Variants in NDC80 observed in about 807,000 individuals in gnomAD.
NDC80 encodes NDC80 kinetochore complex component.
Under a neutral mutation model 89.3 loss-of-function variants are expected in NDC80, and 69 were observed. The ratio of observed to expected loss-of-function variants is 0.77; its 90% confidence interval spans 0.64 to 0.94. The LOEUF is 0.94. Among genes scored for constraint, NDC80 ranks in the 40% least tolerant of loss-of-function variants. The probability of loss-of-function intolerance (pLI) is 0.00; values close to 1 mark genes in which losing one functional copy is unlikely to be tolerated. For missense variants in NDC80, 593 were observed against 739.6 expected, an observed-to-expected ratio of 0.80 and a Z score of 2.30; for synonymous variants, 243 against 255.6, an observed-to-expected ratio of 0.95 and a Z score of 0.47.
intron 10 of NDC80, among the ~76,000 whole-genome samples, chr18:2,591,487 G>A (rs1392565399): frequency 6.6e-6 from 1 of 151,802 alleles, no homozygotes; most frequent in African/African-American, 2.4e-5. Flanking sequence ...ATGGCCCTTA[G>A]GATATTTGAT....
intron 16 of NDC80, among the ~76,000 whole-genome samples, chr18:2,615,837 A>T (rs2072781444): frequency 1.3e-5 from 2 of 152,346 alleles, no homozygotes; most frequent in Non-Finnish European, 2.9e-5. Context: ...ATATCATTTG[A>T]TAAATACGAA....
intron 13 of NDC80, among the ~76,000 whole-genome samples, chr18:2,604,531 A>AG (rs1243474083): frequency 6.6e-6 from 1 of 152,092 alleles, no homozygotes; most frequent in Non-Finnish European, 1.5e-5. Flanking sequence ...AAAATATAAA[A>AG]ATTAGCTGGA....
intron 3 of NDC80, among the ~76,000 whole-genome samples, chr18:2,575,761 C>T (rs2072543311): frequency 6.6e-6 from 1 of 152,048 alleles, no homozygotes; most frequent in Admixed American, 6.6e-5. Context: ...CCTGTCTCTA[C>T]AAAAAATACA....
chr18:2,595,215 T>C (rs2072648111), intron 10 of NDC80, among the ~76,000 whole-genome samples: 1 of 97,670 alleles, frequency 1.0e-5, no homozygotes, highest in South Asian at 4.1e-4. Context: ...TATGTATATA[T>C]ATGACTTTGA....
At position 2,581,652 on chromosome 18, in the gene NDC80, C is replaced by G. The variant is rs190041235; in HGVS notation, c.579+2623C>G. On this transcript the variant is annotated intron_variant, in intron 6 of 16. Coordinates refer to ENST00000261597, the MANE Select transcript of NDC80 (RefSeq NM_006101.3). ...GCAGCCTAGGCAACAGAGCAAAACT[C>G]CATCTCAAAAATAAATAATATTTTC... is the stretch of plus-strand genomic sequence containing the variant. Among the ~76,000 whole-genome samples, 306 of 152,342 alleles carry G rather than the reference C, an allele frequency of 2.0e-3. 2 individuals are homozygous for G. The highest frequency in any genetic ancestry group is 6.9e-3 in the African/African-American group (285 of 41,588).
At chr18:2,594,296 T>G (rs1031467298) in intron 10 of NDC80, 1 of 152,798 alleles carries the variant, frequency 6.5e-6, no homozygotes, top group African/African-American at 2.4e-5. Flanking sequence ...CTGTAAACTG[T>G]TGGTAACCAC....
intron 3 of NDC80, among the ~76,000 whole-genome samples, chr18:2,575,822 G>C (rs1049884703): frequency 6.6e-6 from 1 of 152,208 alleles, no homozygotes. Flanking sequence ...CTACTTGGAA[G>C]GCTGAATCAG....
chr18:2,603,356 CATATATATAT>C (rs60997707), intron 13 of NDC80, among the ~76,000 whole-genome samples: 4 of 120,796 alleles, frequency 3.3e-5, no homozygotes, highest in African/African-American at 1.3e-4. Flanking sequence ...TATGTTTATA[CATATATATAT>C]ATATATATAT....
chr18:2,608,488 G>C (rs899492245), intron 14 of NDC80, among the ~76,000 whole-genome samples: 3 of 152,128 alleles, frequency 2.0e-5, no homozygotes, highest in African/African-American at 7.2e-5. Context: ...TGACGGGCAT[G>C]AGCCACCATG....
intron 10 of NDC80, among the ~76,000 whole-genome samples, chr18:2,593,211 C>T (rs996291719): frequency 6.6e-6 from 1 of 151,906 alleles, no homozygotes; most frequent in Non-Finnish European, 1.5e-5. Flanking sequence ...TGTGCCACCA[C>T]GCCTGGCTAA....
intron 13 of NDC80, among the ~76,000 whole-genome samples, chr18:2,602,508 G>A (rs1236691534): frequency 6.6e-6 from 1 of 152,144 alleles, no homozygotes; most frequent in Non-Finnish European, 1.5e-5. Context: ...ATTATTTGCA[G>A]TGAAGTCTTC....
intron 16 of NDC80, 78 bp from the exon 17 acceptor site, chr18:2,616,359 G>A: frequency 3.8e-6 from 4 of 1,055,904 alleles, no homozygotes; most frequent in Non-Finnish European, 5.3e-6. Context: ...TTATCCTCTT[G>A]TTTGTAAATT....
chr18:2,610,727 G>A (rs1180081073), intron 15 of NDC80, 32 bp from the exon 16 acceptor site: 11 of 1,465,244 alleles, frequency 7.5e-6, no homozygotes, highest in South Asian at 5.1e-5. Context: ...TTTTTTTCCT[G>A]GACAACTTAA....
Position 2,608,822 on chromosome 18 carries a change from TC to T in NDC80, c.1681del (p.Gln561SerfsTer6). ...SEAMNELDAV[Q>X]REYQLVVQTT... ...AAGCTATGAATGAATTAGATGCTGT[TC>T]AGCGGGAGTAAGTTTATCTCACCAA... On this transcript the variant is annotated frameshift_variant, in exon 15 of 17. Transcript: ENST00000261597. LOFTEE classifies it high-confidence loss of function. The T allele has an allele frequency of 6.2e-7, 1 of 1,607,320 alleles. No individual in the cohort carries two copies. The highest frequency in any genetic ancestry group is 8.5e-7 in the Non-Finnish European group (1 of 1,174,914).
At chr18:2,586,757 A>G (rs1038153096) in intron 7 of NDC80, among the ~76,000 whole-genome samples, 2 of 152,160 alleles carry the variant, frequency 1.3e-5, no homozygotes, top group African/African-American at 4.8e-5. Context: ...ATGTCTTGAC[A>G]TCCATCCTAA....
chr18:2,614,227 A>G (rs1285121856), intron 16 of NDC80, among the ~76,000 whole-genome samples: 5 of 152,164 alleles, frequency 3.3e-5, no homozygotes, highest in Non-Finnish European at 5.9e-5. Flanking sequence ...TCACAAGGTC[A>G]GGAGATCGAG....
At chr18:2,577,721 T>C in intron 3 of NDC80, 25 bp from the exon 4 acceptor site, 1 of 1,610,016 alleles carries the variant, frequency 6.2e-7, no homozygotes. Context: ...TAGTTTTAAC[T>C]GGCTGTTTAA....
intron 13 of NDC80, among the ~76,000 whole-genome samples, chr18:2,605,754 C>A (rs8088444): frequency 0.81 from 123,699 of 152,024 alleles, 50,751 homozygotes; most frequent in East Asian, 0.96. Flanking sequence ...ACATTTTACT[C>A]TTTTGTGTTT....
intron 7 of NDC80, among the ~76,000 whole-genome samples, chr18:2,587,592 T>C (rs939024347): frequency 2.0e-4 from 30 of 152,224 alleles, no homozygotes; most frequent in Admixed American, 2.6e-4. Context: ...AAATATTGCC[T>C]TTATCCAAAT....
Sources: gnomAD v4.1 joint callset for allele counts (sites outside exome capture counted in the v4.1 genomes callset) on GRCh38, gnomAD v4.1.1 for gene constraint, MANE v1.5 for transcripts, NCBI Gene and HGNC (gene_info 2026-07-23, HGNC 2026-07-21) for gene names.